The following ABHD18 variants were observed in gnomAD, a reference collection of about 807,000 sequenced individuals.
ABHD18 encodes the protein cardiolipin-specific deacylase, mitochondrial.
In ABHD18, 55 loss-of-function variants were observed where a neutral mutation model predicts 65.9. That is an observed-to-expected ratio of 0.84 (90% CI 0.67 to 1.05). ABHD18 has a LOEUF of 1.05. Ranked by LOEUF, ABHD18 falls within the 50% of genes least tolerant of loss-of-function variation. The probability of loss-of-function intolerance (pLI) is 0.00; values close to 1 mark genes in which losing one functional copy is unlikely to be tolerated. For synonymous variants in ABHD18, 181 were observed against 180.2 expected, an observed-to-expected ratio of 1.00 and a Z score of -0.04; for missense variants, 533 against 558.5, an observed-to-expected ratio of 0.95 and a Z score of 0.46.
intron 4 of ABHD18, 142 bp downstream of exon 4, chr4:127,989,963 CTTCAA>C: frequency 1.8e-6 from 1 of 542,726 alleles, no homozygotes; most frequent in Non-Finnish European, 3.2e-6. Flanking sequence ...TATTTTAATT[CTTCAA>C]AGAACATAAG....
At chr4:127,993,603 G>T (rs1453972689) in intron 4 of ABHD18, among the ~76,000 whole-genome samples, 1 of 152,000 alleles carries the variant, frequency 6.6e-6, no homozygotes, top group Admixed American at 6.6e-5. Flanking sequence ...TTCCACCAAT[G>T]AGTGTTAACC....
At chr4:128,003,126 T>C (rs1752964407) in intron 4 of ABHD18, among the ~76,000 whole-genome samples, 1 of 151,826 alleles carries the variant, frequency 6.6e-6, no homozygotes, top group Admixed American at 6.6e-5. Flanking sequence ...CCCAGCACTT[T>C]GGGAGGCTGA....
chr4:127,969,040 C>T (rs968826662), intron 1 of ABHD18, among the ~76,000 whole-genome samples: 1 of 152,102 alleles, frequency 6.6e-6, no homozygotes, highest in Admixed American at 6.6e-5. Flanking sequence ...TTATACTAAC[C>T]TATATGTGCG....
intron 7 of ABHD18, among the ~76,000 whole-genome samples, chr4:128,013,270 G>A (rs1300188852): frequency 2.0e-5 from 3 of 152,082 alleles, no homozygotes; most frequent in Non-Finnish European, 4.4e-5. Context: ...GGAAGCTATT[G>A]AAATGATGCA....
chr4:128,022,387 T>C (rs1042749345), intron 10 of ABHD18, among the ~76,000 whole-genome samples: 1 of 152,238 alleles, frequency 6.6e-6, no homozygotes, highest in African/African-American at 2.4e-5. Flanking sequence ...CATGGTACAG[T>C]TCAGCATATT....
In ABHD18 at chr4:127,989,703, G is replaced by C. The variant is rs1750602534; in HGVS notation, c.178-18G>C. The C allele has an allele frequency of 1.3e-6, 2 of 1,515,376 alleles. No individual in the cohort carries two copies. Among genetic ancestry groups the C allele is most frequent in the South Asian group, 2.6e-5 (2 of 78,332 alleles). The allele number at this position is 1,515,376 out of a possible 1,614,324, so 93.9% of individuals were successfully genotyped here. ...TCTTAGTTTTCTTGCATACATCTTG[G>C]TTTTGATTTTCTTTTAGATTGAAGA... is the stretch of plus-strand genomic sequence containing the variant. On this transcript the variant is annotated intron_variant, in intron 3 of 12. Transcript: ENST00000645843.
At chr4:128,000,351 T>C (rs545171554) in intron 4 of ABHD18, among the ~76,000 whole-genome samples, 1 of 152,322 alleles carries the variant, frequency 6.6e-6, no homozygotes, top group Admixed American at 6.5e-5. Flanking sequence ...TGGCTAGCCA[T>C]CTATCCTAAC....
intron 4 of ABHD18, among the ~76,000 whole-genome samples, chr4:128,000,086 C>T (rs968711104): frequency 5.3e-5 from 8 of 152,136 alleles, no homozygotes; most frequent in South Asian, 2.1e-4. Flanking sequence ...CACTATCACA[C>T]GAACAACATG....
intron 7 of ABHD18, 123 bp downstream of exon 7, chr4:128,011,823 T>G: frequency 1.4e-5 from 6 of 441,024 alleles, no homozygotes; most frequent in East Asian, 5.3e-5. Context: ...GGGGGGGGAG[T>G]TCTGTTATGA....
intron 1 of ABHD18, among the ~76,000 whole-genome samples, chr4:127,974,025 G>A (rs1441740378): frequency 6.6e-6 from 1 of 151,722 alleles, no homozygotes. Context: ...TGGGTTCTTG[G>A]AAGATAATCC....
chr4:127,968,363 G>C (rs1746098863), intron 1 of ABHD18, among the ~76,000 whole-genome samples: 1 of 152,192 alleles, frequency 6.6e-6, no homozygotes, highest in African/African-American at 2.4e-5. Flanking sequence ...ACTTAAACTT[G>C]TATAGACATT....
intron 1 of ABHD18, among the ~76,000 whole-genome samples, chr4:127,968,784 A>C (rs1746176015): frequency 6.6e-6 from 1 of 152,136 alleles, no homozygotes; most frequent in African/African-American, 2.4e-5. Context: ...TCCAGCCTGA[A>C]GTGGGGACTT....
chr4:127,991,518 T>C (rs1157107194), intron 4 of ABHD18, among the ~76,000 whole-genome samples: 1 of 152,158 alleles, frequency 6.6e-6, no homozygotes, highest in East Asian at 1.9e-4. Context: ...CCATTGTGCC[T>C]GGCCTGATAA....
At chr4:128,002,809 A>C (rs1436741106) in intron 4 of ABHD18, among the ~76,000 whole-genome samples, 1 of 149,958 alleles carries the variant, frequency 6.7e-6, no homozygotes, top group Non-Finnish European at 1.5e-5. Context: ...ACGCCTGGCT[A>C]ATTTTCATAT....
At chr4:128,034,844 G>A (rs962689324) in intron 12 of ABHD18, among the ~76,000 whole-genome samples, 1 of 152,000 alleles carries the variant, frequency 6.6e-6, no homozygotes, top group Non-Finnish European at 1.5e-5. Flanking sequence ...TAGAGACGGG[G>A]TTTCTCCATG....
intron 10 of ABHD18, among the ~76,000 whole-genome samples, chr4:128,024,266 A>G (rs1422606585): frequency 2.0e-5 from 3 of 152,202 alleles, no homozygotes; most frequent in Non-Finnish European, 2.9e-5. Flanking sequence ...TTCTTTTATC[A>G]GGAATCCATT....
chr4:127,972,520 C>CTT (rs11286287), intron 1 of ABHD18, among the ~76,000 whole-genome samples: 1,136 of 60,882 alleles, frequency 0.019, 154 homozygotes, highest in African/African-American at 0.072. Flanking sequence ...CAGATATACT[C>CTT]TTTTTTTTTT....
rs1560933005 is a variant in ABHD18 at position 128,028,455 on chromosome 4, C to A, written c.802-20C>A. On this transcript the variant is annotated intron_variant, in intron 10 of 12. Transcript: ENST00000645843. ...CCTATTTTATATTAAATAATGTTTT[C>A]TTTCCTTTCATATGTTCAGACAGAT... The A allele has an allele frequency of 1.4e-6, 2 of 1,425,042 alleles. No homozygotes were observed. The highest frequency in any genetic ancestry group is 9.2e-7 in the Non-Finnish European group (1 of 1,088,226). 88.3% of individuals were successfully genotyped at this position (1,425,042 alleles called of 1,614,324 possible).
chr4:128,013,954 C>T (rs905505303), intron 7 of ABHD18, among the ~76,000 whole-genome samples: 3 of 147,848 alleles, frequency 2.0e-5, no homozygotes, highest in African/African-American at 7.5e-5. Flanking sequence ...AAAGGCCAAG[C>T]TAAGTAGTTG....
Sources: allele counts gnomAD v4.1 joint callset (sites outside exome capture counted in the v4.1 genomes callset), GRCh38; gene constraint gnomAD v4.1.1; transcripts MANE v1.5; gene names NCBI Gene and HGNC (gene_info 2026-07-23, HGNC 2026-07-21).